Variants in DCC observed in about 807,000 individuals in gnomAD.
DCC encodes netrin receptor DCC.
A neutral mutation model predicts 172.5 loss-of-function variants in DCC; 58 were observed. The ratio of observed to expected loss-of-function variants is 0.34; its 90% CI spans 0.27 to 0.42. The LOEUF (loss-of-function observed/expected upper bound fraction) is 0.42. Ranked by LOEUF, DCC falls within the 10% of genes least tolerant of loss-of-function variation. The pLI, the probability that DCC is intolerant of heterozygous loss-of-function variation, is 1.00. For synonymous variants in DCC, 709 were observed against 644.5 expected (o/e 1.10, Z -1.52); for missense variants, 1,740 against 1,791.0 (o/e 0.97, Z 0.51).
At chr18:53,157,986 T>A (rs113845475) in intron 8 of DCC, among the ~76,000 whole-genome samples, 1 of 152,170 alleles carries the variant, frequency 6.6e-6, no homozygotes. Flanking sequence ...ATTGGATTGT[T>A]TGTAATGCAA....
At chr18:52,351,711 C>T (rs1984129592) in intron 1 of DCC, among the ~76,000 whole-genome samples, 1 of 152,132 alleles carries the variant, frequency 6.6e-6, no homozygotes, top group Non-Finnish European at 1.5e-5. Context: ...TGTGCCTGAA[C>T]GTGTTTAGTA....
intron 2 of DCC, among the ~76,000 whole-genome samples, chr18:52,796,490 T>G (rs1568109787): frequency 6.6e-6 from 1 of 152,274 alleles, no homozygotes; most frequent in South Asian, 2.1e-4. Context: ...AAACATTTTT[T>G]GTAGGAACCA....
At chr18:52,416,309 G>C (rs1286568232) in intron 1 of DCC, among the ~76,000 whole-genome samples, 5 of 151,780 alleles carry the variant, frequency 3.3e-5, no homozygotes, top group Admixed American at 2.0e-4. Context: ...GGTCAATTTT[G>C]GAATAGGTGT....
At chr18:53,110,841 C>T (rs369196712) in intron 7 of DCC, among the ~76,000 whole-genome samples, 14 of 124,228 alleles carry the variant, frequency 1.1e-4, no homozygotes, top group East Asian at 2.2e-4. Flanking sequence ...GTCAGTGTGG[C>T]GATTCCTCAG....
At chr18:53,119,967 G>A (rs1235000374) in intron 7 of DCC, among the ~76,000 whole-genome samples, 1 of 151,748 alleles carries the variant, frequency 6.6e-6, no homozygotes, top group East Asian at 1.9e-4. Flanking sequence ...TATAAAAACT[G>A]TTGATAATTC....
chr18:52,625,248 G>A (rs2034552135), intron 1 of DCC, among the ~76,000 whole-genome samples: 1 of 152,140 alleles, frequency 6.6e-6, no homozygotes, highest in African/African-American at 2.4e-5. Flanking sequence ...TAAATTTAGA[G>A]AAGAGAGAAA....
chr18:53,201,708 C>A (rs148237848), intron 9 of DCC, among the ~76,000 whole-genome samples: 1 of 152,110 alleles, frequency 6.6e-6, no homozygotes, highest in Non-Finnish European at 1.5e-5. Context: ...TGTTATAACA[C>A]AATACTAATG....
chr18:52,592,221 C>A (rs1319680456), intron 1 of DCC, among the ~76,000 whole-genome samples: 1 of 152,016 alleles, frequency 6.6e-6, no homozygotes, highest in East Asian at 1.9e-4. Context: ...GGAATTGTAA[C>A]AATAATCACT....
At chr18:53,240,929 A>G (rs1403386897) in intron 12 of DCC, among the ~76,000 whole-genome samples, 3 of 152,186 alleles carry the variant, frequency 2.0e-5, no homozygotes, top group Non-Finnish European at 4.4e-5. Context: ...TATTGTTTAA[A>G]TGCATAGAAG....
chr18:53,185,244 AG>A (rs1369036488), intron 9 of DCC, among the ~76,000 whole-genome samples: 1 of 152,184 alleles, frequency 6.6e-6, no homozygotes, highest in Non-Finnish European at 1.5e-5. Flanking sequence ...CAATTAGGCT[AG>A]GTATGATGTC....
At chr18:53,205,402 G>A (rs2055609700) in intron 10 of DCC, 38 bp downstream of exon 10, 3 of 1,607,398 alleles carry the variant, frequency 1.9e-6, no homozygotes, top group Non-Finnish European at 1.7e-6. Context: ...TCCATCTGTT[G>A]GATGTTTCCA....
chr18:53,288,002 G>T (rs2056956453), intron 12 of DCC, among the ~76,000 whole-genome samples: 1 of 152,054 alleles, frequency 6.6e-6, no homozygotes. Context: ...CTAATATGCT[G>T]TAAGCCCTCT....
intron 1 of DCC, among the ~76,000 whole-genome samples, chr18:52,385,273 T>G (rs1985748492): frequency 6.6e-6 from 1 of 152,036 alleles, no homozygotes; most frequent in South Asian, 2.1e-4. Flanking sequence ...CATTTTTATT[T>G]TTATTTATTT....
intron 21 of DCC, among the ~76,000 whole-genome samples, chr18:53,417,766 G>A (rs1463551860): frequency 6.6e-6 from 1 of 151,968 alleles, no homozygotes; most frequent in Non-Finnish European, 1.5e-5. Flanking sequence ...TCAATAAATG[G>A]CTTTCCACTT....
At chr18:53,171,337 A>G (rs1275381470) in intron 8 of DCC, among the ~76,000 whole-genome samples, 1 of 152,208 alleles carries the variant, frequency 6.6e-6, no homozygotes, top group Non-Finnish European at 1.5e-5. Context: ...CAGAACCAGC[A>G]GGTGATCAGA....
intron 1 of DCC, among the ~76,000 whole-genome samples, chr18:52,744,457 C>T (rs559809994): frequency 6.6e-6 from 1 of 152,256 alleles, no homozygotes; most frequent in African/African-American, 2.4e-5. Flanking sequence ...TTCCACATAA[C>T]TTAATTCATT....
At position 52,440,145 on chromosome 18, in the gene DCC, T is replaced by C. The variant is rs184102300; in HGVS notation, c.91+99267T>C. Among the ~76,000 whole-genome samples, 3 of 152,308 alleles carry C rather than the reference T, an allele frequency of 2.0e-5. No individual in the cohort carries two copies. In the East Asian group the frequency reaches 5.8e-4, roughly 29 times the overall value. ...TCCAGCCCTGCTAAGAGCAGAATTC[T>C]CAGTAGACCCCAATTTGAAGCGCAT... is the stretch of plus-strand genomic sequence containing the variant. On this transcript the variant is annotated intron_variant, in intron 1 of 28. Transcript: ENST00000442544.
chr18:53,412,390 T>A (rs1470243687), intron 20 of DCC, among the ~76,000 whole-genome samples: 1 of 152,140 alleles, frequency 6.6e-6, no homozygotes, highest in Non-Finnish European at 1.5e-5. Context: ...CATGTATACA[T>A]CTTACAAGAC....
chr18:52,895,930 G>T (rs184548490), intron 2 of DCC, among the ~76,000 whole-genome samples: 3 of 152,112 alleles, frequency 2.0e-5, no homozygotes, highest in East Asian at 3.9e-4. Context: ...AATTAAAGGC[G>T]CACACAACCA....
Sources: gnomAD v4.1 joint callset for allele counts (sites outside exome capture counted in the v4.1 genomes callset) on GRCh38, gnomAD v4.1.1 for gene constraint, MANE v1.5 for transcripts, NCBI Gene and HGNC (gene_info 2026-07-23, HGNC 2026-07-21) for gene names.